RERE: variants seen among roughly 807,000 people sequenced by gnomAD.
RERE encodes arginine-glutamic acid dipeptide repeats.
A neutral mutation model predicts 146.1 loss-of-function variants in RERE; 40 were observed. The ratio of observed to expected loss-of-function variants is 0.27; its 90% confidence interval spans 0.21 to 0.36. The LOEUF is 0.36. Among genes scored for constraint, RERE ranks in the 10% least tolerant of loss-of-function variants. The pLI, the probability that RERE is intolerant of heterozygous loss-of-function variation, is 1.00. For synonymous variants in RERE, 1,003 were observed against 866.0 expected (o/e 1.16, Z -2.78); for missense variants, 1,933 against 2,138.7 (o/e 0.90, Z 1.90).
chr1:8,792,155 T>C (rs565665570), intron 1 of RERE, among the ~76,000 whole-genome samples: 23 of 152,094 alleles, frequency 1.5e-4, no homozygotes, highest in African/African-American at 5.1e-4. Flanking sequence ...CTTCACTTAA[T>C]GAAGCCCAAG....
At chr1:8,691,385 C>T (rs1460310884) in intron 1 of RERE, among the ~76,000 whole-genome samples, 1 of 152,066 alleles carries the variant, frequency 6.6e-6, no homozygotes, top group Non-Finnish European at 1.5e-5. Context: ...CCTTGGGAAC[C>T]CCTTTATAAA....
intron 4 of RERE, among the ~76,000 whole-genome samples, chr1:8,569,219 A>G (rs1015134317): frequency 1.3e-5 from 2 of 151,480 alleles, no homozygotes; most frequent in Non-Finnish European, 2.9e-5. Context: ...CTTAATCCCT[A>G]CTAAAGCTTT....
intron 10 of RERE, among the ~76,000 whole-genome samples, chr1:8,494,367 G>T (rs935254616): frequency 1.3e-5 from 2 of 152,128 alleles, no homozygotes; most frequent in African/African-American, 2.4e-5. Flanking sequence ...AATCTTGGGG[G>T]TATGACCTTA....
chr1:8,571,590 G>A (rs541956153), intron 4 of RERE, among the ~76,000 whole-genome samples: 6 of 152,216 alleles, frequency 3.9e-5, no homozygotes, highest in Non-Finnish European at 8.8e-5. Context: ...CCTGGTTTAC[G>A]TAAATCAGTC....
chr1:8,744,055 T>C (rs933022423), intron 1 of RERE, among the ~76,000 whole-genome samples: 3 of 152,120 alleles, frequency 2.0e-5, no homozygotes, highest in African/African-American at 7.2e-5. Context: ...TGAAAGAAAA[T>C]AGACAGTCCC....
At chr1:8,662,927 G>A (rs908309198) in intron 1 of RERE, among the ~76,000 whole-genome samples, 4 of 152,076 alleles carry the variant, frequency 2.6e-5, no homozygotes, top group African/African-American at 9.7e-5. Context: ...AATTACACAA[G>A]TATACTATAT....
chr1:8,357,734 C>T (rs911151031), intron 20 of RERE, among the ~76,000 whole-genome samples: 5 of 152,216 alleles, frequency 3.3e-5, no homozygotes, highest in African/African-American at 4.8e-5. Flanking sequence ...TGGGTCAGCT[C>T]GGAAAACTCA....
intron 7 of RERE, among the ~76,000 whole-genome samples, chr1:8,509,075 C>T (rs759422833): frequency 7.2e-5 from 11 of 152,044 alleles, no homozygotes; most frequent in Non-Finnish European, 1.2e-4. Context: ...CCACCACGCC[C>T]GGCTAATTTT....
At chr1:8,390,207 C>G (rs1472174476) in intron 12 of RERE, among the ~76,000 whole-genome samples, 2 of 152,272 alleles carry the variant, frequency 1.3e-5, no homozygotes, top group East Asian at 3.9e-4. Flanking sequence ...TGTGACACAT[C>G]TGACAAGAAC....
At position 8,354,952 on chromosome 1, in the gene RERE, T is replaced by A; in HGVS notation, c.*135A>T. 1 of 715,170 alleles carries A rather than the reference T, an allele frequency of 1.4e-6. No individual in the cohort carries two copies. Among genetic ancestry groups the A allele is most frequent in the Non-Finnish European group, 2.3e-6 (1 of 427,452 alleles). 44.3% of individuals were successfully genotyped at this position (715,170 alleles called of 1,614,324 possible). On this transcript the variant is annotated 3_prime_UTR_variant, in exon 23 of 23. Coordinates refer to ENST00000400908, the MANE Select transcript of RERE (RefSeq NM_001042681.2). ...ACTACTATGTGGATACATTTTTAGT[T>A]GTGGGTTTTTAAATATATAAAGAAA...
At chr1:8,478,467 C>T (rs867349183) in intron 10 of RERE, among the ~76,000 whole-genome samples, 1 of 152,150 alleles carries the variant, frequency 6.6e-6, no homozygotes, top group Admixed American at 6.5e-5. Context: ...CCAACAAATA[C>T]CAGGTGTGGG....
chr1:8,664,504 G>C (rs1638527297), intron 1 of RERE, among the ~76,000 whole-genome samples: 1 of 151,998 alleles, frequency 6.6e-6, no homozygotes, highest in African/African-American at 2.4e-5. Context: ...TGTTCACCTG[G>C]GGTCTCTTCT....
chr1:8,732,983 G>A (rs555998002), intron 1 of RERE, among the ~76,000 whole-genome samples: 9 of 151,688 alleles, frequency 5.9e-5, no homozygotes, highest in East Asian at 5.8e-4. Context: ...CACTACGCCC[G>A]GCTAATTTTT....
chr1:8,463,186 A>G (rs1490377718), intron 11 of RERE, among the ~76,000 whole-genome samples: 1 of 152,168 alleles, frequency 6.6e-6, no homozygotes, highest in Admixed American at 6.5e-5. Flanking sequence ...CAACCTCTCA[A>G]TTATTCAGTC....
At chr1:8,718,655 T>C (rs796732270) in intron 1 of RERE, among the ~76,000 whole-genome samples, 14 of 152,340 alleles carry the variant, frequency 9.2e-5, no homozygotes, top group African/African-American at 3.4e-4. Context: ...CATTTCATCC[T>C]TAGTTCTGAC....
At chr1:8,546,136 C>A (rs896641306) in intron 6 of RERE, among the ~76,000 whole-genome samples, 1 of 150,960 alleles carries the variant, frequency 6.6e-6, no homozygotes, top group African/African-American at 2.4e-5. Context: ...ACTACAGGTG[C>A]GTGCCACCAC....
intron 1 of RERE, among the ~76,000 whole-genome samples, chr1:8,693,003 T>C (rs1639241592): frequency 6.6e-6 from 1 of 152,042 alleles, no homozygotes; most frequent in Non-Finnish European, 1.5e-5. Flanking sequence ...AAATAAAAAC[T>C]GTAACAGAGC....
chr1:8,720,245 C>T (rs1639836445), intron 1 of RERE, among the ~76,000 whole-genome samples: 1 of 150,922 alleles, frequency 6.6e-6, no homozygotes, highest in African/African-American at 2.4e-5. Context: ...AGCACTCCAG[C>T]CTGGCGGCAG....
intron 1 of RERE, among the ~76,000 whole-genome samples, chr1:8,661,799 C>T (rs1638462334): frequency 6.6e-6 from 1 of 152,078 alleles, no homozygotes; most frequent in South Asian, 2.1e-4. Context: ...ATCACAGAGT[C>T]GAAGTTGGCA....
Sources: allele counts gnomAD v4.1 joint callset (sites outside exome capture counted in the v4.1 genomes callset), GRCh38; gene constraint gnomAD v4.1.1; transcripts MANE v1.5; gene names NCBI Gene and HGNC (gene_info 2026-07-23, HGNC 2026-07-21).